GALNT7: variants seen among roughly 807,000 people sequenced by gnomAD.
GALNT7 encodes N-acetylgalactosaminyltransferase 7.
A neutral mutation model predicts 82.1 loss-of-function variants in GALNT7; 60 were observed. That is an observed-to-expected ratio of 0.73 (90% CI 0.59 to 0.91). The LOEUF (loss-of-function observed/expected upper bound fraction) is 0.91. GALNT7 is among the 40% of genes least tolerant of loss of function. The pLI is 0.00. For synonymous variants in GALNT7, 243 were observed against 275.1 expected, an observed-to-expected ratio of 0.88 and a Z score of 1.15; for missense variants, 660 against 804.2, an observed-to-expected ratio of 0.82 and a Z score of 2.17.
chr4:173,249,379 C>A (rs980746890), intron 2 of GALNT7, among the ~76,000 whole-genome samples: 1 of 152,142 alleles, frequency 6.6e-6, no homozygotes, highest in African/African-American at 2.4e-5. Context: ...AAGTAAAATC[C>A]TGTGTCCAAT....
intron 1 of GALNT7, among the ~76,000 whole-genome samples, chr4:173,209,991 G>T (rs980559825): frequency 6.6e-6 from 1 of 152,056 alleles, no homozygotes; most frequent in Admixed American, 6.5e-5. Flanking sequence ...AAATTAGCTG[G>T]GGGTAGAGGT....
At chr4:173,244,090 T>A (rs557251035) in intron 1 of GALNT7, among the ~76,000 whole-genome samples, 1 of 152,312 alleles carries the variant, frequency 6.6e-6, no homozygotes, top group Non-Finnish European at 1.5e-5. Context: ...AACACCTGTC[T>A]CTGTAAATAC....
intron 1 of GALNT7, among the ~76,000 whole-genome samples, chr4:173,197,583 G>T (rs1349330160): frequency 6.6e-6 from 1 of 151,004 alleles, no homozygotes; most frequent in Admixed American, 6.6e-5. Context: ...AGTGTTGTTG[G>T]ATATTAAGAA....
intron 1 of GALNT7, among the ~76,000 whole-genome samples, chr4:173,197,621 T>C (rs1362462962): frequency 2.0e-5 from 3 of 152,204 alleles, no homozygotes; most frequent in African/African-American, 7.2e-5. Context: ...CTTGTGGGAA[T>C]TGCACAAGGA....
intron 1 of GALNT7, among the ~76,000 whole-genome samples, chr4:173,193,356 A>C (rs1454276118): frequency 6.6e-6 from 1 of 152,164 alleles, no homozygotes; most frequent in Non-Finnish European, 1.5e-5. Context: ...ACCCTAAAGG[A>C]ATTTACTATT....
At position 173,318,502 on chromosome 4, in the gene GALNT7, A is replaced by G; in HGVS notation, c.1779A>G (p.Ser593=). Residue 593 remains serine (S), a synonymous_variant, in exon 11 of 12, where the codon TCA becomes TCG. Transcript: ENST00000265000. ...DQCLTKGADG[S]KVMITHCNLN... ...GTTTGACAAAGGGAGCTGATGGATC[A>G]AAAGTTATGATTACACACTGTAATC... is the stretch of plus-strand genomic sequence containing the variant. 6.3e-7 allele frequency: 1 copy of G among 1,582,126 alleles called. No individual in the cohort carries two copies. Among genetic ancestry groups the G allele is most frequent in the Non-Finnish European group, 8.7e-7 (1 of 1,151,758 alleles).
In GALNT7 at chr4:173,222,849, A is replaced by ACG. The variant is rs545612568; in HGVS notation, c.127-25131_127-25130insCG. ...TGACCTGCAACGATGTTTTAAATAA[A>ACG]ATGACTACTAAGGTTAGATGTTTTA... On this transcript the variant is annotated intron_variant, in intron 1 of 11. Transcript: ENST00000265000. Among the ~76,000 whole-genome samples the ACG allele has an allele frequency of 4.0e-3, 608 of 152,342 alleles. 2 individuals are homozygous for ACG. Among genetic ancestry groups the ACG allele is most frequent in the African/African-American group, 0.014 (586 of 41,562 alleles).
At chr4:173,189,434 G>T (rs1732556686) in intron 1 of GALNT7, among the ~76,000 whole-genome samples, 1 of 152,174 alleles carries the variant, frequency 6.6e-6, no homozygotes. Context: ...TATTCATACA[G>T]AAATAGATGT....
At chr4:173,198,338 G>A (rs1427630775) in intron 1 of GALNT7, among the ~76,000 whole-genome samples, 1 of 151,918 alleles carries the variant, frequency 6.6e-6, no homozygotes, top group Non-Finnish European at 1.5e-5. Context: ...AAGGTGCTGG[G>A]ATTACAGGCG....
At chr4:173,314,204 T>G in intron 9 of GALNT7, 28 bp downstream of exon 9, 1 of 1,386,334 alleles carries the variant, frequency 7.2e-7, no homozygotes, top group Non-Finnish European at 1.0e-6. Context: ...AAAATGTATG[T>G]GTTTGTAGAC....
Position 173,253,326 on chromosome 4 carries a change from G to A in GALNT7, c.587+4886G>A, listed in dbSNP as rs532825771. ...AGTAGAAGACATGAGCATGTAGTGC[G>A]GTTTACTTGGATCTGGAGGTATGTG... On this transcript the variant is annotated intron_variant, in intron 2 of 11. Coordinates refer to ENST00000265000, the MANE Select transcript of GALNT7 (RefSeq NM_017423.3). 4.6e-5 allele frequency among the ~76,000 whole-genome samples: 7 copies of A among 152,262 alleles called. No homozygotes were observed. In the South Asian group the frequency reaches 8.3e-4, roughly 18 times the overall value.
Position 173,320,383 on chromosome 4 carries a change from A to G in GALNT7, c.1837-1197A>G, listed in dbSNP as rs538314756. 1.1e-3 allele frequency among the ~76,000 whole-genome samples: 165 copies of G among 152,278 alleles called. 5 individuals carry two copies. In the South Asian group the frequency reaches 0.033, roughly 31 times the overall value. On this transcript the variant is annotated intron_variant, in intron 11 of 11. Transcript: ENST00000265000. This position sits in a 1 kb window ranked among gnomAD's most constrained non-coding sequence, Gnocchi z 4.1. ...AAAGTAATAATAATATACTTATTAA[A>G]CATTAATGTAAATGACATTTTTAAT...
In GALNT7 at chr4:173,314,002, C is replaced by T. The variant is rs777333184; in HGVS notation, c.1434C>T (p.Asp478=). 7.5e-6 allele frequency: 12 copies of T among 1,605,632 alleles called. No homozygotes were observed. In the South Asian group the frequency reaches 1.3e-4, roughly 18 times the overall value. ...AGGTTTGGTGGGATGAATATAAAGA[C>T]TACTTCTATGCTAGTCGTCCTGAAT... ...VVEVWWDEYK[D]YFYASRPESQ... is the part of the protein sequence containing the mutation. The change falls in exon 9 of 12, where the codon GAC becomes GAT. Residue 478 remains aspartate, a synonymous_variant. Transcript: ENST00000265000.
At chr4:173,294,588 G>T (rs1377937727) in intron 3 of GALNT7, among the ~76,000 whole-genome samples, 2 of 152,070 alleles carry the variant, frequency 1.3e-5, no homozygotes, top group Non-Finnish European at 2.9e-5. Context: ...CAATGCTTGT[G>T]TCCTCAAGAA....
chr4:173,298,376 C>A, intron 6 of GALNT7, 79 bp downstream of exon 6: 1 of 926,372 alleles, frequency 1.1e-6, no homozygotes, highest in Non-Finnish European at 1.6e-6. Flanking sequence ...GCTAAAGATT[C>A]GTTATTAAAA....
intron 1 of GALNT7, among the ~76,000 whole-genome samples, chr4:173,223,951 T>C (rs1255279228): frequency 6.6e-6 from 1 of 152,206 alleles, no homozygotes; most frequent in East Asian, 1.9e-4. Context: ...CGTCAGGTTG[T>C]TTCATCGCTG....
At position 173,298,268 on chromosome 4, in the gene GALNT7, A is replaced by T; in HGVS notation, c.1119A>T (p.Arg373Ser). 1 of 1,579,424 alleles carries T rather than the reference A, an allele frequency of 6.3e-7. No individual in the cohort carries two copies. The highest frequency in any genetic ancestry group is 8.6e-7 in the Non-Finnish European group (1 of 1,168,956). The change falls in exon 6 of 12, where the codon AGA (arginine) becomes AGT (serine). Residue 373 changes from arginine (R) to serine (S), a missense_variant. Arg to Ser is a moderately radical substitution (Grantham distance 110). Around this residue, in one of 2 missense-constraint regions of GALNT7, gnomAD observed 527 missense variants for 683.5 expected, o/e 0.77. Transcript: ENST00000265000. ...KRVPLTPQEK[R>S]LRKTKTEPYR... is the part of the protein sequence containing the mutation. The stretch of plus-strand genomic sequence containing the variant: ...TGCCTCTGACCCCTCAAGAGAAGAG[A>T]CTGAGAAAGACAAAAACTGAACCGT...
intron 1 of GALNT7, among the ~76,000 whole-genome samples, chr4:173,187,384 A>G (rs1450550339): frequency 2.2e-5 from 3 of 137,290 alleles, no homozygotes; most frequent in Non-Finnish European, 4.6e-5. Flanking sequence ...AGGACATTAG[A>G]AAAAAAAAAA....
intron 1 of GALNT7, among the ~76,000 whole-genome samples, chr4:173,191,246 G>T (rs1732620723): frequency 1.3e-5 from 2 of 152,088 alleles, no homozygotes; most frequent in Admixed American, 1.3e-4. Flanking sequence ...TACTTGGCTG[G>T]CTGGCTGCCT....
Sources: allele counts gnomAD v4.1 joint callset (sites outside exome capture counted in the v4.1 genomes callset), GRCh38; gene constraint gnomAD v4.1.1; regional missense constraint gnomAD v4.1.1; non-coding constraint Gnocchi (gnomAD v3.1); transcripts MANE v1.5; gene names NCBI Gene and HGNC (gene_info 2026-07-23, HGNC 2026-07-21).